The following STK39 variants were observed in gnomAD, a reference collection of about 807,000 sequenced individuals.
The protein encoded by STK39 is STE20/SPS1-related proline-alanine-rich protein kinase.
Under a neutral mutation model 77.8 loss-of-function variants are expected in STK39, and 20 were observed. That is an observed-to-expected ratio of 0.26 (90% CI 0.18 to 0.37). The LOEUF is 0.37. Among genes scored for constraint, STK39 ranks in the 10% least tolerant of loss-of-function variants. The pLI is 1.00. For missense variants in STK39, 479 were observed against 656.5 expected, an observed-to-expected ratio of 0.73 and a Z score of 2.95; for synonymous variants, 246 against 234.1, an observed-to-expected ratio of 1.05 and a Z score of -0.47.
At chr2:168,212,591 AAAG>A (rs1375262395) in intron 1 of STK39, among the ~76,000 whole-genome samples, 3 of 152,380 alleles carry the variant, frequency 2.0e-5, no homozygotes, top group Admixed American at 1.3e-4. Flanking sequence ...ACTAAGTTGC[AAAG>A]AAGAACTCAT....
intron 1 of STK39, among the ~76,000 whole-genome samples, chr2:168,246,089 G>T (rs1347835189): frequency 1.3e-5 from 2 of 151,978 alleles, no homozygotes; most frequent in Non-Finnish European, 2.9e-5. Flanking sequence ...AGAATTTTTT[G>T]AAGTGAAAGT....
chr2:168,223,880 T>G (rs1015962591), intron 1 of STK39, among the ~76,000 whole-genome samples: 1 of 152,220 alleles, frequency 6.6e-6, no homozygotes, highest in South Asian at 2.1e-4. Flanking sequence ...CCTCCTGGTA[T>G]GGAGGAAAAA....
At position 168,066,030 on chromosome 2, in the gene STK39, A is replaced by C. The variant is rs139349064; in HGVS notation, c.1243-649T>G. 3.7e-3 allele frequency among the ~76,000 whole-genome samples: 552 copies of C among 151,170 alleles called. 5 individuals are homozygous for C. The highest frequency in any genetic ancestry group is 0.013 in the African/African-American group (521 of 41,170). ...ACTTGAAAGACAAAAAACAACACCAACAACAACAACAAAAAAAACCTCAAA... is the reference window on the plus strand; with the variant it reads ...ACTTGAAAGACAAAAAACAACACCACCAACAACAACAAAAAAAACCTCAAA... On this transcript the variant is annotated intron_variant, in intron 12 of 17. Transcript: ENST00000355999.
chr2:167,985,338 T>C (rs183403970), intron 16 of STK39, among the ~76,000 whole-genome samples: 48 of 152,312 alleles, frequency 3.2e-4, no homozygotes, highest in African/African-American at 1.1e-3. Context: ...AACTGATTTG[T>C]TGTTTGTGCA....
chr2:168,214,058 G>A (rs1469174969), intron 1 of STK39, among the ~76,000 whole-genome samples: 1 of 152,088 alleles, frequency 6.6e-6, no homozygotes, highest in Non-Finnish European at 1.5e-5. Context: ...GAGGCCGGTG[G>A]ACAACAGTGG....
At chr2:168,165,907 T>C (rs2105594533) in intron 3 of STK39, among the ~76,000 whole-genome samples, 1 of 152,302 alleles carries the variant, frequency 6.6e-6, no homozygotes, top group South Asian at 2.1e-4. Flanking sequence ...TCTCCTCTGA[T>C]CCTAAACCAT....
At chr2:168,224,286 T>C (rs1690252241) in intron 1 of STK39, among the ~76,000 whole-genome samples, 1 of 152,046 alleles carries the variant, frequency 6.6e-6, no homozygotes, top group South Asian at 2.1e-4. Context: ...TACATACATA[T>C]GTACTGATAA....
intron 1 of STK39, among the ~76,000 whole-genome samples, chr2:168,233,427 C>T (rs1690512112): frequency 6.6e-6 from 1 of 152,198 alleles, no homozygotes; most frequent in South Asian, 2.1e-4. Flanking sequence ...CACTTAATCT[C>T]CCTACACAGA....
At position 168,075,179 on chromosome 2, in the gene STK39, T is replaced by C. The variant is rs768321414; in HGVS notation, c.1142A>G (p.Asp381Gly). Residue 381 changes from aspartate (D) to glycine (G), a missense_variant, in exon 11 of 18, where the codon GAC (aspartate) becomes GGC (glycine). This residue lies in a region of STK39 where 244 missense variants were observed against 296.8 expected (regional missense o/e 0.82). Transcript: ENST00000355999. ...SGHLHKTEDG[D>G]WEWSDDEMDE... is the part of the protein sequence containing the mutation. ...CATCTCGTCGTCACTCCACTCCCAG[T>C]CCCCGTCTTCGGTTTTATGAAGGTG... 1 of 1,614,136 alleles carries C rather than the reference T, an allele frequency of 6.2e-7. No homozygotes were observed. The highest frequency in any genetic ancestry group is 8.5e-7 in the Non-Finnish European group (1 of 1,180,022).
chr2:168,159,393 G>A (rs945290026), intron 5 of STK39, among the ~76,000 whole-genome samples: 2 of 151,976 alleles, frequency 1.3e-5, no homozygotes, highest in African/African-American at 2.4e-5. Context: ...TTCACCCACC[G>A]ACAAGGATGC....
intron 5 of STK39, among the ~76,000 whole-genome samples, chr2:168,156,835 C>T (rs189029059): frequency 2.6e-5 from 4 of 152,168 alleles, no homozygotes; most frequent in Admixed American, 6.5e-5. Flanking sequence ...TGGATGCCTC[C>T]GGGGCTTTCA....
intron 16 of STK39, among the ~76,000 whole-genome samples, chr2:167,976,725 C>A (rs980608593): frequency 6.6e-5 from 10 of 152,250 alleles, no homozygotes; most frequent in African/African-American, 2.4e-4. Context: ...CTGCCCCAAC[C>A]AATCAGCAGC....
intron 1 of STK39, among the ~76,000 whole-genome samples, chr2:168,208,737 G>A (rs1689806460): frequency 1.3e-5 from 2 of 152,224 alleles, no homozygotes; most frequent in Non-Finnish European, 2.9e-5. Flanking sequence ...CCAGTGAAAT[G>A]TGAGCAATGA....
At chr2:168,018,975 G>A (rs981099146) in intron 14 of STK39, among the ~76,000 whole-genome samples, 1 of 152,054 alleles carries the variant, frequency 6.6e-6, no homozygotes, top group Non-Finnish European at 1.5e-5. Context: ...AAAACAGGGA[G>A]AAGTAAAGGG....
chr2:167,971,036 G>A (rs1273679566), intron 16 of STK39, among the ~76,000 whole-genome samples: 1 of 152,164 alleles, frequency 6.6e-6, no homozygotes, highest in African/African-American at 2.4e-5. Context: ...TTGACAGATG[G>A]TGTCAGAAGT....
intron 16 of STK39, among the ~76,000 whole-genome samples, chr2:167,979,157 T>C (rs1446338530): frequency 2.0e-5 from 3 of 152,236 alleles, no homozygotes; most frequent in Non-Finnish European, 4.4e-5. Context: ...AATCTTTGTA[T>C]AGATACACAT....
At chr2:168,183,669 G>C (rs1468316168) in intron 1 of STK39, among the ~76,000 whole-genome samples, 3 of 152,200 alleles carry the variant, frequency 2.0e-5, no homozygotes, top group African/African-American at 7.2e-5. Flanking sequence ...TGCTAGAGCT[G>C]TTTGGGAAGA....
intron 13 of STK39, 125 bp from the exon 14 acceptor site, chr2:168,063,695 C>G: frequency 1.3e-6 from 1 of 774,514 alleles, no homozygotes. Context: ...TCTTTACACA[C>G]GCAGGCCTTC....
At chr2:168,035,429 C>T (rs185897744) in intron 14 of STK39, among the ~76,000 whole-genome samples, 1 of 152,260 alleles carries the variant, frequency 6.6e-6, no homozygotes, top group Admixed American at 6.5e-5. Context: ...CCTTCCCTTT[C>T]TCTAACAAAA....
Sources: allele counts gnomAD v4.1 joint callset (sites outside exome capture counted in the v4.1 genomes callset), GRCh38; gene constraint gnomAD v4.1.1; regional missense constraint gnomAD v4.1.1; transcripts MANE v1.5; gene names NCBI Gene and HGNC (gene_info 2026-07-23, HGNC 2026-07-21).